Variants in PHF14 observed in about 807,000 individuals in gnomAD.
PHF14 encodes the protein PHD finger protein 14.
A neutral mutation model predicts 117.9 loss-of-function variants in PHF14; 55 were observed. The observed-to-expected ratio is 0.47, with a 90% CI of 0.38 to 0.58. The LOEUF (loss-of-function observed/expected upper bound fraction) is 0.58, where lower values mean the gene tolerates loss of function less well. Among genes scored for constraint, PHF14 ranks in the 20% least tolerant of loss-of-function variants. The probability of loss-of-function intolerance (pLI) is 0.00; values close to 1 mark genes in which losing one functional copy is unlikely to be tolerated. For synonymous variants in PHF14, 409 were observed against 368.6 expected (o/e 1.11, Z -1.26); for missense variants, 978 against 1,122.2 (o/e 0.87, Z 1.84).
At chr7:11,020,792 AT>A (rs1223187567) in intron 5 of PHF14, among the ~76,000 whole-genome samples, 1 of 152,164 alleles carries the variant, frequency 6.6e-6, no homozygotes, top group Non-Finnish European at 1.5e-5. Context: ...AATTCTTCAT[AT>A]GTAAATGAAC....
Position 11,006,694 on chromosome 7 carries a change from A to G in PHF14, c.1046-7053A>G, listed in dbSNP as rs553101848. 9.0e-4 allele frequency: 570 copies of G among 633,282 alleles called. 1 individual carries two copies. The highest frequency in any genetic ancestry group is 1.1e-3 in the Non-Finnish European group (366 of 335,088). The allele number at this position is 633,282 out of a possible 1,614,324, so 39.2% of individuals were successfully genotyped here. Reference sequence around the variant, plus strand: ...CTCCTGGGGGAGCTCTTCCGAGGATATCTGGGCTGCCTCCAGAGTCTCAGT... The same window carrying G: ...CTCCTGGGGGAGCTCTTCCGAGGATGTCTGGGCTGCCTCCAGAGTCTCAGT... On this transcript the variant is annotated intron_variant, in intron 4 of 17. Transcript: ENST00000634607.
Position 11,153,476 on chromosome 7 carries a change from T to G in PHF14, c.2773-15940T>G, listed in dbSNP as rs111608826. On this transcript the variant is annotated intron_variant, in intron 17 of 17. Coordinates refer to ENST00000634607, the MANE Select transcript of PHF14 (RefSeq NM_001007157.2). ...TTTGAGGTCCTTATTAAAAAGTTTA[T>G]TGGAGACAAGTAGCAGTTGGAATAT... is the stretch of plus-strand genomic sequence containing the variant. Among the ~76,000 whole-genome samples the G allele has an allele frequency of 8.7e-3, 1,331 of 152,170 alleles. 24 individuals carry two copies. The highest frequency in any genetic ancestry group is 0.031 in the African/African-American group (1,275 of 41,518).
intron 5 of PHF14, among the ~76,000 whole-genome samples, chr7:11,020,104 A>G (rs548562908): frequency 6.6e-5 from 10 of 151,096 alleles, no homozygotes; most frequent in Non-Finnish European, 1.2e-4. Context: ...TTTTTTTTCC[A>G]ATCAGACGGG....
chr7:10,987,568 T>C (rs1384920707), intron 3 of PHF14, among the ~76,000 whole-genome samples: 1 of 152,194 alleles, frequency 6.6e-6, no homozygotes, highest in African/African-American at 2.4e-5. Context: ...ATTCATATAC[T>C]GTCATTTATT....
intron 16 of PHF14, among the ~76,000 whole-genome samples, chr7:11,086,893 C>T (rs1786429559): frequency 6.6e-6 from 1 of 152,048 alleles, no homozygotes; most frequent in Non-Finnish European, 1.5e-5. Flanking sequence ...TCTTAGTCCT[C>T]TTGGGTTTCT....
chr7:11,068,683 C>CTATGTATAT (rs1359774799), intron 16 of PHF14, among the ~76,000 whole-genome samples: 4 of 152,164 alleles, frequency 2.6e-5, no homozygotes, highest in South Asian at 4.1e-4. Context: ...ATGGTCAATG[C>CTATGTATAT]TATGTATATT....
At chr7:11,049,669 TAAC>T (rs1471146751) in intron 13 of PHF14, among the ~76,000 whole-genome samples, 1 of 152,158 alleles carries the variant, frequency 6.6e-6, no homozygotes, top group African/African-American at 2.4e-5. Flanking sequence ...TATTATTAGT[TAAC>T]TAACAATATC....
chr7:11,095,917 G>T (rs945417713), intron 16 of PHF14, among the ~76,000 whole-genome samples: 1 of 151,784 alleles, frequency 6.6e-6, no homozygotes, highest in African/African-American at 2.4e-5. Flanking sequence ...CTCTAGTCAG[G>T]GGATATATCT....
intron 5 of PHF14, among the ~76,000 whole-genome samples, chr7:11,019,759 A>T (rs1783667696): frequency 6.6e-6 from 1 of 151,904 alleles, no homozygotes; most frequent in Admixed American, 6.6e-5. Flanking sequence ...GATCTTTATT[A>T]ATCTACTAAT....
At chr7:11,065,571 G>T (rs892380042) in intron 16 of PHF14, among the ~76,000 whole-genome samples, 1 of 152,076 alleles carries the variant, frequency 6.6e-6, no homozygotes, top group Admixed American at 6.5e-5. Flanking sequence ...CTTGATAAAG[G>T]ACAATTGATT....
intron 4 of PHF14, among the ~76,000 whole-genome samples, chr7:10,999,976 A>G (rs1418922782): frequency 6.6e-6 from 1 of 152,202 alleles, no homozygotes. Flanking sequence ...TTGGAGACCT[A>G]TTTTTGTTAC....
At chr7:11,008,627 C>T (rs866181334) in intron 4 of PHF14, among the ~76,000 whole-genome samples, 1 of 152,156 alleles carries the variant, frequency 6.6e-6, no homozygotes. Flanking sequence ...TTGTTTTCCA[C>T]GAAACCAGCC....
intron 17 of PHF14, among the ~76,000 whole-genome samples, chr7:11,165,216 GC>G (rs1789167472): frequency 6.6e-6 from 1 of 152,134 alleles, no homozygotes; most frequent in South Asian, 2.1e-4. Context: ...AGCCACTGTA[GC>G]CGGCCGACCT....
intron 8 of PHF14, among the ~76,000 whole-genome samples, chr7:11,036,128 A>G (rs1251342729): frequency 1.3e-5 from 2 of 152,194 alleles, no homozygotes; most frequent in African/African-American, 4.8e-5. Flanking sequence ...TTTTATATAC[A>G]TTAAACCTAT....
At chr7:10,991,572 A>T (rs1049735751) in intron 4 of PHF14, among the ~76,000 whole-genome samples, 1 of 151,948 alleles carries the variant, frequency 6.6e-6, no homozygotes. Flanking sequence ...AGCCTCCCAA[A>T]GTGCTGGGAT....
chr7:10,982,018 A>G (rs551954729), intron 2 of PHF14, among the ~76,000 whole-genome samples: 1 of 152,230 alleles, frequency 6.6e-6, no homozygotes, highest in Non-Finnish European at 1.5e-5. Flanking sequence ...TAAAATTAAA[A>G]TCAAGTGCCC....
chr7:11,161,644 A>G (rs1789028010), intron 17 of PHF14, among the ~76,000 whole-genome samples: 1 of 122,026 alleles, frequency 8.2e-6, no homozygotes, highest in Non-Finnish European at 1.7e-5. Context: ...TTTTGCCTAA[A>G]TATTTCAAAA....
chr7:11,057,620 C>A (rs1037063563), intron 14 of PHF14, among the ~76,000 whole-genome samples: 1 of 152,134 alleles, frequency 6.6e-6, no homozygotes, highest in African/African-American at 2.4e-5. Flanking sequence ...GTGATCTACC[C>A]GCCTCGGCCT....
intron 2 of PHF14, among the ~76,000 whole-genome samples, chr7:10,975,662 A>G (rs1251010578): frequency 6.6e-6 from 1 of 152,238 alleles, no homozygotes; most frequent in Admixed American, 6.5e-5. Context: ...TGTTTAATTT[A>G]AATGTTTTAT....
Sources: gnomAD v4.1 joint callset for allele counts (sites outside exome capture counted in the v4.1 genomes callset) on GRCh38, gnomAD v4.1.1 for gene constraint, MANE v1.5 for transcripts, NCBI Gene and HGNC (gene_info 2026-07-23, HGNC 2026-07-21) for gene names.